SOX6: variants seen among roughly 807,000 people sequenced by gnomAD.
SOX6 encodes SRY-box transcription factor 6.
SOX6 carries 11 observed loss-of-function variants against 97.8 expected under a neutral mutation model. The ratio of observed to expected loss-of-function variants is 0.11; its 90% CI spans 0.07 to 0.19. The LOEUF (loss-of-function observed/expected upper bound fraction) is 0.19, where lower values mean the gene tolerates loss of function less well. Among genes scored for constraint, SOX6 ranks in the 10% least tolerant of loss-of-function variants. The pLI is 1.00. For missense variants in SOX6, 810 were observed against 1,039.5 expected, an observed-to-expected ratio of 0.78 and a Z score of 3.04; for synonymous variants, 360 against 371.4, an observed-to-expected ratio of 0.97 and a Z score of 0.35.
chr11:16,345,328 G>T (rs1856747896), intron 1 of SOX6, among the ~76,000 whole-genome samples: 3 of 151,848 alleles, frequency 2.0e-5, no homozygotes, highest in Admixed American at 6.6e-5. Flanking sequence ...ATATCTTTGG[G>T]ACACATAAAA....
intron 6 of SOX6, among the ~76,000 whole-genome samples, chr11:16,117,105 T>C (rs1048389279): frequency 6.6e-6 from 1 of 151,840 alleles, no homozygotes; most frequent in African/African-American, 2.4e-5. Flanking sequence ...ATCCCAGCAC[T>C]TTGGGAGGCC....
chr11:16,643,941 C>T (rs1465575925), intron 3 of SOX6, among the ~76,000 whole-genome samples: 17 of 152,232 alleles, frequency 1.1e-4, no homozygotes, highest in Non-Finnish European at 7.3e-5. Flanking sequence ...TGACACTCCC[C>T]AGTGAGATGA....
chr11:16,550,508 T>C (rs1218889902), intron 4 of SOX6, among the ~76,000 whole-genome samples: 2 of 151,920 alleles, frequency 1.3e-5, no homozygotes, highest in African/African-American at 4.8e-5. Flanking sequence ...ATCTATATCT[T>C]AAGTGTGGTG....
At chr11:16,225,748 A>G (rs1448095815) in intron 4 of SOX6, among the ~76,000 whole-genome samples, 1 of 152,172 alleles carries the variant, frequency 6.6e-6, no homozygotes, top group Non-Finnish European at 1.5e-5. Context: ...CATGCAGTGA[A>G]AAAAACCATG....
chr11:16,475,864 C>T (rs1433735885), intron 1 of SOX6, among the ~76,000 whole-genome samples: 1 of 152,142 alleles, frequency 6.6e-6, no homozygotes, highest in Non-Finnish European at 1.5e-5. Flanking sequence ...ACATTATCTC[C>T]TCATGTGCTG....
intron 6 of SOX6, among the ~76,000 whole-genome samples, chr11:16,152,702 C>A (rs1476868778): frequency 6.6e-6 from 1 of 151,978 alleles, no homozygotes; most frequent in East Asian, 1.9e-4. Flanking sequence ...GAGAGACTCA[C>A]ATACATTCTC....
intron 4 of SOX6, among the ~76,000 whole-genome samples, chr11:16,198,491 A>T (rs1290040918): frequency 3.3e-5 from 5 of 152,144 alleles, no homozygotes; most frequent in Non-Finnish European, 7.4e-5. Context: ...CAATAAAAAT[A>T]AGGGTTTTTA....
At chr11:16,712,078 TACACACACACACACACAC>T (rs58807051) in intron 3 of SOX6, among the ~76,000 whole-genome samples, 30 of 139,924 alleles carry the variant, frequency 2.1e-4, no homozygotes, top group African/African-American at 6.6e-4. Context: ...TAGTATTCCA[TACACACACACACACACAC>T]ACACACACAC....
chr11:16,339,809 G>A (rs1421994973), intron 2 of SOX6, among the ~76,000 whole-genome samples: 1 of 151,996 alleles, frequency 6.6e-6, no homozygotes, highest in African/African-American at 2.4e-5. Flanking sequence ...ATACGCAAGT[G>A]GCAGTGACTG....
In SOX6 at chr11:16,004,807, C is replaced by A. The variant is rs148361578; in HGVS notation, c.1732+10135G>T. On this transcript the variant is annotated intron_variant, in intron 13 of 15. Transcript: ENST00000683767. Reference sequence around the variant, plus strand: ...CAGTATGGCTCAGATGCCATATAGACAGATCTAGGTTTGAATTGTTGATCT... The same window carrying A: ...CAGTATGGCTCAGATGCCATATAGAAAGATCTAGGTTTGAATTGTTGATCT... Among the ~76,000 whole-genome samples, 13 of 152,152 alleles carry A rather than the reference C, an allele frequency of 8.5e-5. No homozygotes were observed. In the East Asian group the frequency reaches 2.5e-3, roughly 29 times the overall value.
chr11:16,537,774 G>C (rs894728548), intron 4 of SOX6, among the ~76,000 whole-genome samples: 1 of 152,036 alleles, frequency 6.6e-6, no homozygotes, highest in African/African-American at 2.4e-5. Flanking sequence ...CAAGAATAGA[G>C]AAAAAACAGT....
intron 3 of SOX6, among the ~76,000 whole-genome samples, chr11:16,256,755 G>A (rs11023893): frequency 0.78 from 118,018 of 151,032 alleles, 46,221 homozygotes; most frequent in Non-Finnish European, 0.8. Context: ...ATACAGATTG[G>A]GATGAAAAAA....
rs1284250463 is a variant in SOX6, at chr11:16,523,077, C to T, written n.610-46689G>A. Among the ~76,000 whole-genome samples the T allele has an allele frequency of 3.3e-5, 5 of 152,132 alleles. No homozygotes were observed. The South Asian group carries it at 1.0e-3, about 32-fold the overall frequency. On this transcript the variant is annotated intron_variant and non_coding_transcript_variant, in intron 4 of 5. Transcript: ENST00000524520. Reference sequence around the variant, plus strand: ...GTCAACATTAGACAGATCAACAACACAAAAAGTTAACAAGGATATCCAGGA... The same window carrying T: ...GTCAACATTAGACAGATCAACAACATAAAAAGTTAACAAGGATATCCAGGA...
chr11:16,175,223 G>C lies in SOX6; in HGVS notation c.777+8663C>G, dbSNP rs16932672. Among the ~76,000 whole-genome samples, 8 of 151,916 alleles carry C rather than the reference G, an allele frequency of 5.3e-5. 1 individual carries two copies. The East Asian group carries it at 1.2e-3, about 22-fold the overall frequency. ...GCACATGTAGAATATGTACATGAAG[G>C]TTTCTCTATTAGAAACTCTGAAATT... On this transcript the variant is annotated intron_variant, in intron 6 of 15. Coordinates refer to ENST00000683767, the MANE Select transcript of SOX6 (RefSeq NM_001367873.1).
intron 3 of SOX6, among the ~76,000 whole-genome samples, chr11:16,691,463 C>A (rs1564870192): frequency 6.6e-6 from 1 of 151,992 alleles, no homozygotes. Context: ...TTCATGATTA[C>A]AAAAGTAATA....
intron 4 of SOX6, among the ~76,000 whole-genome samples, chr11:16,551,905 T>C (rs1474209354): frequency 6.6e-6 from 1 of 152,138 alleles, no homozygotes; most frequent in Non-Finnish European, 1.5e-5. Flanking sequence ...ATGCCTGGCC[T>C]GAAAAATTTA....
chr11:16,534,312 AAAAG>A (rs1389970089), intron 4 of SOX6, among the ~76,000 whole-genome samples: 6 of 152,304 alleles, frequency 3.9e-5, no homozygotes, highest in African/African-American at 9.6e-5. Flanking sequence ...CTAGGAACCT[AAAAG>A]AAAGAAAGTT....
chr11:16,319,844 C>CT (rs11432524), intron 2 of SOX6, among the ~76,000 whole-genome samples: 27,967 of 146,842 alleles, frequency 0.19, 2,811 homozygotes, highest in Admixed American at 0.3. Context: ...TTATAAACGT[C>CT]TTTTTTTTTT....
intron 4 of SOX6, among the ~76,000 whole-genome samples, chr11:16,516,384 T>C (rs571202965): frequency 5.3e-5 from 8 of 152,344 alleles, no homozygotes; most frequent in African/African-American, 1.9e-4. Context: ...CTTGTGATTT[T>C]TGTACATCGA....
Sources: allele counts gnomAD v4.1 joint callset (sites outside exome capture counted in the v4.1 genomes callset), GRCh38; gene constraint gnomAD v4.1.1; transcripts MANE v1.5; gene names NCBI Gene and HGNC (gene_info 2026-07-23, HGNC 2026-07-21).